The following CDH13 variants were observed in gnomAD, a reference collection of about 807,000 sequenced individuals.
The protein encoded by CDH13 is cadherin-13.
CDH13 carries 24 observed loss-of-function variants against 63.8 expected under a neutral mutation model. The observed-to-expected ratio is 0.38, with a 90% CI of 0.27 to 0.53. The LOEUF (loss-of-function observed/expected upper bound fraction) is 0.53. Among genes scored for constraint, CDH13 ranks in the 20% least tolerant of loss-of-function variants. CDH13 has a pLI of 0.85. For missense variants in CDH13, 1,049 were observed against 903.1 expected (o/e 1.16, Z -2.07); for synonymous variants, 503 against 355.3 (o/e 1.42, Z -4.67).
chr16:82,837,683 G>A (rs940424912), intron 1 of CDH13, among the ~76,000 whole-genome samples: 10 of 152,146 alleles, frequency 6.6e-5, no homozygotes, highest in Non-Finnish European at 1.2e-4. Context: ...TGGTTTCTAC[G>A]AGGGAAGCTC....
At chr16:82,719,524 C>T (rs1182682095) in intron 1 of CDH13, 16 of 445,596 alleles carry the variant, frequency 3.6e-5, no homozygotes, top group South Asian at 2.2e-4. Flanking sequence ...AGCTGGGGCT[C>T]CTTCCCCCTC....
At chr16:82,826,950 C>A (rs1414782500) in intron 1 of CDH13, among the ~76,000 whole-genome samples, 2 of 152,164 alleles carry the variant, frequency 1.3e-5, no homozygotes, top group Non-Finnish European at 2.9e-5. Flanking sequence ...TAAGAATGCA[C>A]AATTGAGCTA....
chr16:82,955,404 T>C (rs1597288029), intron 2 of CDH13, among the ~76,000 whole-genome samples: 2 of 152,294 alleles, frequency 1.3e-5, no homozygotes, highest in South Asian at 4.2e-4. Context: ...TGTACTTGCT[T>C]TTTACTTATA....
chr16:83,309,973 C>T (rs1597718501), intron 5 of CDH13, among the ~76,000 whole-genome samples: 1 of 152,100 alleles, frequency 6.6e-6, no homozygotes, highest in African/African-American at 2.4e-5. Flanking sequence ...GAAAGGGAGA[C>T]AGAGCTTCAG....
intron 2 of CDH13, among the ~76,000 whole-genome samples, chr16:82,965,718 A>T (rs1597314877): frequency 6.6e-6 from 1 of 152,076 alleles, no homozygotes; most frequent in Non-Finnish European, 1.5e-5. Flanking sequence ...GTCTCAAACT[A>T]CTGACCTCAA....
At chr16:83,759,950 A>AG (rs1342417087) in intron 11 of CDH13, among the ~76,000 whole-genome samples, 2 of 146,328 alleles carry the variant, frequency 1.4e-5, no homozygotes, top group Non-Finnish European at 3.0e-5. Context: ...AAAAAAAAAA[A>AG]AAAGAAAGAA....
intron 4 of CDH13, among the ~76,000 whole-genome samples, chr16:83,199,137 A>G (rs1278478626): frequency 6.6e-6 from 1 of 152,156 alleles, no homozygotes; most frequent in East Asian, 1.9e-4. Context: ...CTGGGCTTGG[A>G]TTCATTTCCA....
intron 1 of CDH13, among the ~76,000 whole-genome samples, chr16:82,805,913 C>G (rs2151169498): frequency 6.6e-6 from 1 of 152,322 alleles, no homozygotes; most frequent in African/African-American, 2.4e-5. Flanking sequence ...ACGCACATTT[C>G]TGTTTTGATC....
chr16:83,647,265 A>G (rs1215143275), intron 8 of CDH13, among the ~76,000 whole-genome samples: 5 of 150,332 alleles, frequency 3.3e-5, no homozygotes, highest in Non-Finnish European at 7.4e-5. Context: ...AACCGAGATC[A>G]TGCCACTACT....
At chr16:83,372,210 C>G (rs2091380069) in intron 6 of CDH13, among the ~76,000 whole-genome samples, 1 of 152,176 alleles carries the variant, frequency 6.6e-6, no homozygotes, top group African/African-American at 2.4e-5. Flanking sequence ...GGTGAGAACA[C>G]TGAGTCTCAG....
chr16:83,139,918 C>T (rs1233559029), intron 4 of CDH13, among the ~76,000 whole-genome samples: 1 of 152,126 alleles, frequency 6.6e-6, no homozygotes, highest in Non-Finnish European at 1.5e-5. Context: ...AGGAGAATTG[C>T]TTGAACCCAG....
chr16:83,039,152 G>T (rs559720125), intron 3 of CDH13, among the ~76,000 whole-genome samples: 3 of 152,160 alleles, frequency 2.0e-5, no homozygotes, highest in Non-Finnish European at 4.4e-5. Context: ...GGCTATATAC[G>T]CTTGGATCCA....
intron 5 of CDH13, among the ~76,000 whole-genome samples, chr16:83,252,240 T>C (rs1905657459): frequency 6.7e-6 from 1 of 148,882 alleles, no homozygotes; most frequent in African/African-American, 2.5e-5. Context: ...TTTTTTAGAT[T>C]CTCTTGATGT....
At chr16:82,865,407 C>T (rs148158494) in intron 2 of CDH13, among the ~76,000 whole-genome samples, 1 of 152,256 alleles carries the variant, frequency 6.6e-6, no homozygotes, top group African/African-American at 2.4e-5. Flanking sequence ...CATTAAGCCT[C>T]TGAAATCTAG....
At chr16:82,718,662 G>A (rs968325353) in intron 1 of CDH13, among the ~76,000 whole-genome samples, 3 of 152,174 alleles carry the variant, frequency 2.0e-5, no homozygotes, top group Non-Finnish European at 4.4e-5. Flanking sequence ...GGTGGAAGGT[G>A]AAAGGCACAT....
intron 2 of CDH13, among the ~76,000 whole-genome samples, chr16:82,871,493 G>A (rs1298127476): frequency 6.6e-6 from 1 of 152,158 alleles, no homozygotes; most frequent in Non-Finnish European, 1.5e-5. Flanking sequence ...GACACTAACA[G>A]GCATCTAAAA....
At chr16:83,194,901 T>C (rs2038832121) in intron 4 of CDH13, among the ~76,000 whole-genome samples, 1 of 152,176 alleles carries the variant, frequency 6.6e-6, no homozygotes. Context: ...TTTTGTTCAT[T>C]GATGTGCATT....
At chr16:83,440,522 G>T (rs2072449644) in intron 6 of CDH13, among the ~76,000 whole-genome samples, 1 of 152,162 alleles carries the variant, frequency 6.6e-6, no homozygotes, top group African/African-American at 2.4e-5. Context: ...GCTTATGCCT[G>T]TAGTCCCAGA....
intron 1 of CDH13, among the ~76,000 whole-genome samples, chr16:82,847,908 T>TTTG (rs1407806302): frequency 1.3e-5 from 2 of 151,806 alleles, no homozygotes; most frequent in African/African-American, 2.4e-5. Context: ...TTTTTTTTTT[T>TTTG]TGTACTTCAC....
Sources: allele counts gnomAD v4.1 joint callset (sites outside exome capture counted in the v4.1 genomes callset), GRCh38; gene constraint gnomAD v4.1.1; transcripts MANE v1.5; gene names NCBI Gene and HGNC (gene_info 2026-07-23, HGNC 2026-07-21).